CTNNA2: variants seen among roughly 807,000 people sequenced by gnomAD.
CTNNA2 encodes catenin alpha-2.
Under a neutral mutation model 101.0 loss-of-function variants are expected in CTNNA2, and 42 were observed. The observed-to-expected ratio is 0.42, with a 90% CI of 0.32 to 0.54. CTNNA2 has a LOEUF of 0.54. Ranked by LOEUF, CTNNA2 falls within the 20% of genes least tolerant of loss-of-function variation. The pLI is 0.14. For synonymous variants in CTNNA2, 450 were observed against 456.4 expected, an observed-to-expected ratio of 0.99 and a Z score of 0.18; for missense variants, 871 against 1,223.1, an observed-to-expected ratio of 0.71 and a Z score of 4.29.
chr2:79,287,238 G>A (rs531422885), intron 2 of CTNNA2, among the ~76,000 whole-genome samples: 22 of 152,278 alleles, frequency 1.4e-4, no homozygotes, highest in African/African-American at 5.3e-4. Context: ...ATCATCTGAA[G>A]CCTTCTTCTC....
chr2:79,820,757 G>T (rs938145273), intron 3 of CTNNA2, among the ~76,000 whole-genome samples: 2 of 152,152 alleles, frequency 1.3e-5, no homozygotes, highest in Non-Finnish European at 2.9e-5. Context: ...TCCTCAGAAT[G>T]AAATGACTTA....
chr2:80,376,623 G>A lies in CTNNA2; in HGVS notation c.1057-16588G>A, dbSNP rs142198544. 5.1e-3 allele frequency among the ~76,000 whole-genome samples: 776 copies of A among 152,302 alleles called. 7 individuals carry two copies. The highest frequency in any genetic ancestry group is 0.017 in the African/African-American group (726 of 41,568). On this transcript the variant is annotated intron_variant, in intron 7 of 18. Coordinates refer to ENST00000402739, the MANE Select transcript of CTNNA2 (RefSeq NM_001282597.3). ...ATAGATCTCTAGACTTTGCATCATG[G>A]TGGAGAGGACATTTAGAAAAGAATG...
intron 7 of CTNNA2, among the ~76,000 whole-genome samples, chr2:79,960,264 C>A (rs895709772): frequency 1.6e-4 from 24 of 152,170 alleles, no homozygotes; most frequent in African/African-American, 5.5e-4. Context: ...ATGAGTACAT[C>A]TCATACAATT....
At position 79,919,063 on chromosome 2, in the gene CTNNA2, G is replaced by A. The variant is rs1005882443; in HGVS notation, c.1056+9266G>A. Among the ~76,000 whole-genome samples, 6 of 152,322 alleles carry A rather than the reference G, an allele frequency of 3.9e-5. No individual in the cohort carries two copies. In the South Asian group the frequency reaches 1.2e-3, roughly 32 times the overall value. On this transcript the variant is annotated intron_variant, in intron 7 of 18. Transcript: ENST00000402739. ...GAGGGATATGGGCTTACTTGAATGGGTGGGGCAGGCGGTTCTTGGCCAAGC... is the reference window on the plus strand; with the variant it reads ...GAGGGATATGGGCTTACTTGAATGGATGGGGCAGGCGGTTCTTGGCCAAGC...
chr2:79,665,394 C>A (rs559643267), intron 2 of CTNNA2, among the ~76,000 whole-genome samples: 1 of 152,246 alleles, frequency 6.6e-6, no homozygotes, highest in Non-Finnish European at 1.5e-5. Flanking sequence ...ATTTATTACC[C>A]ATAAGACCAT....
intron 7 of CTNNA2, among the ~76,000 whole-genome samples, chr2:80,120,106 C>A (rs932617586): frequency 1.3e-5 from 2 of 152,266 alleles, no homozygotes; most frequent in Admixed American, 1.3e-4. Flanking sequence ...TGAACTAGAT[C>A]GAAGTTCCTC....
Position 80,054,709 on chromosome 2 carries a change from A to G in CTNNA2, c.1056+144912A>G, listed in dbSNP as rs1296086842. Among the ~76,000 whole-genome samples, 3 of 152,138 alleles carry G rather than the reference A, an allele frequency of 2.0e-5. 1 individual carries two copies. The highest frequency in any genetic ancestry group is 4.4e-5 in the Non-Finnish European group (3 of 68,020). On this transcript the variant is annotated intron_variant, in intron 7 of 18. Transcript: ENST00000402739. ...TAGGAAGGGAGAAAAGGGACTTTGC[A>G]AAAGTGGAGGACCTGAGGCTCTGAC...
At chr2:79,871,742 T>C (rs1004432793) in intron 5 of CTNNA2, among the ~76,000 whole-genome samples, 1 of 152,202 alleles carries the variant, frequency 6.6e-6, no homozygotes, top group African/African-American at 2.4e-5. Context: ...TCCAGTCAAG[T>C]TGACACCTAA....
intron 7 of CTNNA2, among the ~76,000 whole-genome samples, chr2:80,033,148 C>CAAA (rs781462046): frequency 7.8e-4 from 44 of 56,082 alleles, no homozygotes; most frequent in Middle Eastern, 0.013. Flanking sequence ...GACTCCATCT[C>CAAA]AAAAAAAAAA....
At chr2:80,370,284 G>A (rs945960952) in intron 7 of CTNNA2, among the ~76,000 whole-genome samples, 10 of 151,902 alleles carry the variant, frequency 6.6e-5, no homozygotes, top group South Asian at 2.1e-4. Context: ...GTTTGTGTGC[G>A]TGTGTGAATG....
chr2:79,551,174 C>G (rs755332040), intron 1 of CTNNA2, among the ~76,000 whole-genome samples: 1 of 151,996 alleles, frequency 6.6e-6, no homozygotes, highest in Non-Finnish European at 1.5e-5. Context: ...CTTATTTTGC[C>G]AAGGTTGAAG....
Position 79,674,590 on chromosome 2 carries a change from A to G in CTNNA2, c.102+22932A>G, listed in dbSNP as rs181409946. On this transcript the variant is annotated intron_variant, in intron 2 of 18. Coordinates refer to ENST00000402739, the MANE Select transcript of CTNNA2 (RefSeq NM_001282597.3). ...AACTTAGTTAAATAGGGAACTTAAA[A>G]AAGTTATCTAGTGATAAGATCTCTA... Among the ~76,000 whole-genome samples, 124 of 152,334 alleles carry G rather than the reference A, an allele frequency of 8.1e-4. 1 individual carries two copies. In the East Asian group the frequency reaches 8.5e-3, roughly 10 times the overall value.
chr2:79,959,269 T>C (rs1689461102), intron 7 of CTNNA2, among the ~76,000 whole-genome samples: 1 of 152,144 alleles, frequency 6.6e-6, no homozygotes, highest in Admixed American at 6.5e-5. Context: ...GAGAAGCATA[T>C]TTAGAGAAAT....
intron 9 of CTNNA2, among the ~76,000 whole-genome samples, chr2:80,527,110 C>A: frequency 6.6e-6 from 1 of 152,066 alleles, no homozygotes; most frequent in East Asian, 1.9e-4. Context: ...TCACTCTTAC[C>A]CAGAATATTC....
intron 7 of CTNNA2, among the ~76,000 whole-genome samples, chr2:80,044,131 T>C (rs1696361126): frequency 6.6e-6 from 1 of 152,210 alleles, no homozygotes; most frequent in South Asian, 2.1e-4. Flanking sequence ...AGGATATTTA[T>C]TATTGGTAAT....
chr2:80,207,437 G>A (rs1707601261), intron 7 of CTNNA2, among the ~76,000 whole-genome samples: 1 of 152,216 alleles, frequency 6.6e-6, no homozygotes, highest in African/African-American at 2.4e-5. Context: ...CATGGAGACT[G>A]GAGTAGAGAG....
intron 4 of CTNNA2, among the ~76,000 whole-genome samples, chr2:79,450,028 T>C (rs1002955240): frequency 6.6e-6 from 1 of 152,024 alleles, no homozygotes; most frequent in African/African-American, 2.4e-5. Flanking sequence ...ATAGGAGTTT[T>C]TAAAATTCCA....
At chr2:79,851,798 A>G (rs1248156860) in intron 3 of CTNNA2, among the ~76,000 whole-genome samples, 1 of 124,012 alleles carries the variant, frequency 8.1e-6, no homozygotes, top group Non-Finnish European at 1.6e-5. Flanking sequence ...CTGCAGTGCA[A>G]TGGTATGATC....
At chr2:79,506,800 A>G (rs190530838) in intron 5 of CTNNA2, among the ~76,000 whole-genome samples, 4 of 152,244 alleles carry the variant, frequency 2.6e-5, no homozygotes, top group Admixed American at 2.0e-4. Flanking sequence ...GGTATTCAGG[A>G]CTGTTTGTGA....
Sources: gnomAD v4.1 joint callset for allele counts (sites outside exome capture counted in the v4.1 genomes callset) on GRCh38, gnomAD v4.1.1 for gene constraint, MANE v1.5 for transcripts, NCBI Gene and HGNC (gene_info 2026-07-23, HGNC 2026-07-21) for gene names.